MAST2: variants seen among roughly 807,000 people sequenced by gnomAD.
The protein encoded by MAST2 is microtubule associated serine/threonine kinase 2.
In MAST2, 70 loss-of-function variants were observed where a neutral mutation model predicts 147.4. That is an observed-to-expected ratio of 0.47 (90% CI 0.39 to 0.58). The LOEUF is 0.58. MAST2 is among the 20% of genes least tolerant of loss of function. The pLI, the probability that MAST2 is intolerant of heterozygous loss-of-function variation, is 0.00. For synonymous variants in MAST2, 869 were observed against 896.8 expected, an observed-to-expected ratio of 0.97 and a Z score of 0.55; for missense variants, 2,080 against 2,302.3, an observed-to-expected ratio of 0.90 and a Z score of 1.98.
intron 3 of MAST2, among the ~76,000 whole-genome samples, 178 bp downstream of exon 3, chr1:45,829,759 C>T (rs1413820403): frequency 1.3e-5 from 2 of 151,996 alleles, no homozygotes; most frequent in Non-Finnish European, 2.9e-5. Flanking sequence ...GCTTTGTTGC[C>T]CAGGCTGACT....
intron 7 of MAST2, among the ~76,000 whole-genome samples, chr1:46,005,274 G>T (rs1224861826): frequency 6.6e-6 from 1 of 151,660 alleles, no homozygotes; most frequent in Non-Finnish European, 1.5e-5. Context: ...AGGCAGGAGA[G>T]TCACTTGAAC....
intron 4 of MAST2, among the ~76,000 whole-genome samples, chr1:45,889,532 T>C (rs1229992412): frequency 6.6e-6 from 1 of 152,186 alleles, no homozygotes; most frequent in Non-Finnish European, 1.5e-5. Context: ...TGACTATCTA[T>C]ACAGTGTGGT....
rs1466603247 is a variant in MAST2, at chr1:45,803,834, C to G, written c.-62C>G. ...GGTGGTTGGCGCGGCTGCGCTGCGG[C>G]CCGGGGCAGTGCGGAGCCGGGACAG... is the stretch of plus-strand genomic sequence containing the variant. On this transcript the variant is annotated 5_prime_UTR_variant, in exon 1 of 29. Transcript: ENST00000361297. 4.5e-6 allele frequency: 2 copies of G among 440,392 alleles called. No homozygotes were observed. The highest frequency in any genetic ancestry group is 7.4e-6 in the Non-Finnish European group (2 of 270,148). 27.3% of individuals were successfully genotyped at this position (440,392 alleles called of 1,614,324 possible).
chr1:45,898,798 C>G (rs901339209), intron 4 of MAST2, among the ~76,000 whole-genome samples: 2 of 152,212 alleles, frequency 1.3e-5, no homozygotes, highest in African/African-American at 4.8e-5. Flanking sequence ...CAGCTCACCT[C>G]TGCACTGCTG....
At chr1:45,974,054 G>A in intron 5 of MAST2, among the ~76,000 whole-genome samples, 1 of 152,226 alleles carries the variant, frequency 6.6e-6, no homozygotes, top group Admixed American at 6.5e-5. Context: ...AAAAGTAACA[G>A]TGTCTATGTA....
chr1:46,028,184 CAT>C (rs1468396959), intron 17 of MAST2, among the ~76,000 whole-genome samples: 1 of 152,216 alleles, frequency 6.6e-6, no homozygotes, highest in African/African-American at 2.4e-5. Flanking sequence ...CCTTGAGAAT[CAT>C]ATGGATATAA....
chr1:45,854,665 C>T (rs1442020275), intron 3 of MAST2, among the ~76,000 whole-genome samples: 1 of 152,128 alleles, frequency 6.6e-6, no homozygotes, highest in Non-Finnish European at 1.5e-5. Context: ...TACCTACTCT[C>T]AAACTCACCA....
intron 4 of MAST2, among the ~76,000 whole-genome samples, chr1:45,938,925 C>T (rs1412086964): frequency 6.6e-6 from 1 of 151,390 alleles, no homozygotes; most frequent in Non-Finnish European, 1.5e-5. Context: ...AATATTGAGC[C>T]TTGAGTTCTT....
rs746825438 is a variant in MAST2, at chr1:46,030,791, C to T, written c.2708+30C>T. ...GCACCCAGAGTTCACCCAGGGTGGG[C>T]GACACAGCTATCCCTGCATTGTCAC... On this transcript the variant is annotated intron_variant, in intron 22 of 28. Transcript: ENST00000361297. 9 of 1,541,862 alleles carry T rather than the reference C, an allele frequency of 5.8e-6. No individual in the cohort carries two copies. The African/African-American group carries it at 8.3e-5, about 14-fold the overall frequency.
chr1:45,962,309 T>C (rs1660539665), intron 5 of MAST2, among the ~76,000 whole-genome samples: 1 of 152,084 alleles, frequency 6.6e-6, no homozygotes, highest in African/African-American at 2.4e-5. Context: ...CTGGGTCAAA[T>C]GGTATTTCTA....
In MAST2 at chr1:46,022,091, G is replaced by T; in HGVS notation, c.1423+9G>T. 1.2e-6 allele frequency: 2 copies of T among 1,613,870 alleles called. No individual in the cohort carries two copies. Among genetic ancestry groups the T allele is most frequent in the Non-Finnish European group, 1.7e-6 (2 of 1,179,864 alleles). On this transcript the variant is annotated intron_variant, in intron 12 of 28. Transcript: ENST00000361297. Reference sequence around the variant, plus strand: ...CCGGGATCCCCTAGAAGGTGAGCATGCTGCCTAGTGGCTGCAAAGAGGCCC... The same window carrying T: ...CCGGGATCCCCTAGAAGGTGAGCATTCTGCCTAGTGGCTGCAAAGAGGCCC...
At chr1:45,914,677 C>T (rs1300618086) in intron 4 of MAST2, among the ~76,000 whole-genome samples, 3 of 152,064 alleles carry the variant, frequency 2.0e-5, no homozygotes, top group Non-Finnish European at 2.9e-5. Context: ...TGTGATGTTG[C>T]CCTTCAGTGT....
intron 4 of MAST2, among the ~76,000 whole-genome samples, chr1:45,910,205 C>T (rs901768211): frequency 5.5e-5 from 8 of 145,444 alleles, no homozygotes; most frequent in Admixed American, 1.4e-4. Flanking sequence ...ATTTTTCTGT[C>T]TATGTTGGGA....
chr1:46,017,863 G>A (rs1162539212), intron 10 of MAST2, among the ~76,000 whole-genome samples: 2 of 152,194 alleles, frequency 1.3e-5, no homozygotes, highest in Non-Finnish European at 2.9e-5. Flanking sequence ...AAAGACACAT[G>A]CACACGTATG....
intron 9 of MAST2, among the ~76,000 whole-genome samples, chr1:46,009,516 T>A (rs112081507): frequency 6.6e-6 from 1 of 152,230 alleles, no homozygotes; most frequent in African/African-American, 2.4e-5. Context: ...ACAATAAGCA[T>A]GAAGAAGGAG....
intron 4 of MAST2, among the ~76,000 whole-genome samples, chr1:45,906,935 A>C (rs1650853886): frequency 6.6e-6 from 1 of 152,136 alleles, no homozygotes; most frequent in African/African-American, 2.4e-5. Flanking sequence ...GTTTAAATGC[A>C]CAAATACTTA....
intron 4 of MAST2, among the ~76,000 whole-genome samples, chr1:45,906,938 A>G (rs974118666): frequency 8.5e-5 from 13 of 152,236 alleles, no homozygotes; most frequent in African/African-American, 3.1e-4. Flanking sequence ...TAAATGCACA[A>G]ATACTTACCA....
chr1:45,967,196 C>A (rs1661358160), intron 5 of MAST2, among the ~76,000 whole-genome samples: 1 of 151,994 alleles, frequency 6.6e-6, no homozygotes, highest in Non-Finnish European at 1.5e-5. Context: ...GCCTCATCCT[C>A]CCGAGTAGCT....
At chr1:45,935,654 T>G (rs1656082992) in intron 4 of MAST2, among the ~76,000 whole-genome samples, 1 of 152,192 alleles carries the variant, frequency 6.6e-6, no homozygotes, top group African/African-American at 2.4e-5. Context: ...AGGGATTCCT[T>G]TTTGCATTGC....
Sources: gnomAD v4.1 joint callset for allele counts (sites outside exome capture counted in the v4.1 genomes callset) on GRCh38, gnomAD v4.1.1 for gene constraint, MANE v1.5 for transcripts, NCBI Gene and HGNC (gene_info 2026-07-23, HGNC 2026-07-21) for gene names.